The following SWAP70 variants were observed in gnomAD, a reference collection of about 807,000 sequenced individuals.
SWAP70 encodes the protein switching B cell complex subunit SWAP70, also known as switch-associated protein 70.
Under a neutral mutation model 80.2 loss-of-function variants are expected in SWAP70, and 34 were observed. The ratio of observed to expected loss-of-function variants is 0.42; its 90% CI spans 0.32 to 0.56. SWAP70 has a LOEUF of 0.56. SWAP70 is among the 20% of genes least tolerant of loss of function. SWAP70 has a pLI of 0.09. For missense variants in SWAP70, 578 were observed against 690.7 expected (o/e 0.84, Z 1.83); for synonymous variants, 239 against 238.5 (o/e 1.00, Z -0.02).
At chr11:9,741,216 AAAG>A (rs1490819098) in intron 9 of SWAP70, 3 of 152,212 alleles carry the variant, frequency 2.0e-5, no homozygotes, top group African/African-American at 7.2e-5. Context: ...ATAGGAAGAG[AAAG>A]AAGAAGCCAT....
At chr11:9,734,006 AT>A (rs1851333353) in intron 7 of SWAP70, among the ~76,000 whole-genome samples, 2 of 152,066 alleles carry the variant, frequency 1.3e-5, no homozygotes, top group Non-Finnish European at 2.9e-5. Flanking sequence ...AGTGTTTCAG[AT>A]TTGGGATTTT....
chr11:9,673,130 G>A (rs939868047), intron 1 of SWAP70, among the ~76,000 whole-genome samples: 2 of 152,106 alleles, frequency 1.3e-5, no homozygotes, highest in Non-Finnish European at 2.9e-5. Flanking sequence ...GTGTCAGATC[G>A]CACAGTTTGA....
chr11:9,711,409 C>G (rs4910492), intron 2 of SWAP70, among the ~76,000 whole-genome samples: 33,660 of 151,118 alleles, frequency 0.22, 4,810 homozygotes, highest in Non-Finnish European at 0.32. Flanking sequence ...GTGTGTGTGT[C>G]TGTCTGTCTG....
chr11:9,691,463 G>A (rs1259710181), intron 1 of SWAP70, among the ~76,000 whole-genome samples: 1 of 152,218 alleles, frequency 6.6e-6, no homozygotes, highest in African/African-American at 2.4e-5. Flanking sequence ...AGATGGTTAA[G>A]AAAATTATCA....
intron 2 of SWAP70, 28 bp downstream of exon 2, chr11:9,694,314 A>G (rs1850729244): frequency 1.9e-6 from 3 of 1,578,846 alleles, no homozygotes; most frequent in East Asian, 2.3e-5. Flanking sequence ...TTTTGGGTGT[A>G]GCATTGTTTG....
intron 2 of SWAP70, among the ~76,000 whole-genome samples, chr11:9,711,378 A>T (rs1590031851): frequency 6.6e-6 from 1 of 152,124 alleles, no homozygotes; most frequent in Non-Finnish European, 1.5e-5. Flanking sequence ...CAAGTAATGG[A>T]AATTTGCCTT....
chr11:9,719,314 G>A (rs959206042), intron 3 of SWAP70, among the ~76,000 whole-genome samples: 9 of 151,800 alleles, frequency 5.9e-5, no homozygotes, highest in African/African-American at 2.2e-4. Context: ...GGTCAAGGCT[G>A]CTGTGAGCCA....
intron 7 of SWAP70, 120 bp downstream of exon 7, chr11:9,732,830 T>C (rs1851317885): frequency 2.1e-6 from 2 of 942,420 alleles, no homozygotes; most frequent in South Asian, 3.8e-5. Context: ...GAGATACTTG[T>C]GGTGAACTGT....
intron 2 of SWAP70, among the ~76,000 whole-genome samples, chr11:9,699,173 G>C (rs896415508): frequency 2.8e-4 from 43 of 152,060 alleles, no homozygotes; most frequent in African/African-American, 9.9e-4. Flanking sequence ...AGGTAGGAAT[G>C]GTGAGTGATT....
At chr11:9,734,797 G>A (rs1471697499) in intron 7 of SWAP70, among the ~76,000 whole-genome samples, 6 of 151,852 alleles carry the variant, frequency 4.0e-5, no homozygotes, top group Non-Finnish European at 7.4e-5. Flanking sequence ...TAATTTTTTT[G>A]TATTTTTAAT....
At chr11:9,676,229 A>T (rs1850498966) in intron 1 of SWAP70, among the ~76,000 whole-genome samples, 1 of 152,224 alleles carries the variant, frequency 6.6e-6, no homozygotes, top group African/African-American at 2.4e-5. Context: ...CTGATGGTAG[A>T]CTGAAAACTG....
chr11:9,714,989 T>TTTTTTTTTTTTTG, intron 3 of SWAP70, among the ~76,000 whole-genome samples: 1 of 149,706 alleles, frequency 6.7e-6, no homozygotes, highest in Non-Finnish European at 1.5e-5. Flanking sequence ...TTTTTTTTTT[T>TTTTTTTTTTTTTG]TAAGAAACGG....
intron 2 of SWAP70, among the ~76,000 whole-genome samples, chr11:9,697,038 C>T (rs572333806): frequency 6.6e-6 from 1 of 151,930 alleles, no homozygotes; most frequent in South Asian, 2.1e-4. Context: ...ATAGTGAGAC[C>T]TTGTCTCAAA....
chr11:9,715,984 A>G (rs1851061113), intron 3 of SWAP70, among the ~76,000 whole-genome samples: 1 of 152,206 alleles, frequency 6.6e-6, no homozygotes, highest in African/African-American at 2.4e-5. Context: ...GAGTCTTGGA[A>G]AGGATACATT....
intron 1 of SWAP70, among the ~76,000 whole-genome samples, chr11:9,671,551 A>T (rs1850392016): frequency 1.6e-5 from 1 of 62,388 alleles, no homozygotes; most frequent in African/African-American, 5.2e-5. Context: ...AATATATAGA[A>T]ATATATATAA....
chr11:9,732,061 A>C (rs1851305202), intron 6 of SWAP70, among the ~76,000 whole-genome samples: 1 of 152,232 alleles, frequency 6.6e-6, no homozygotes, highest in Non-Finnish European at 1.5e-5. Context: ...CATGGATGAT[A>C]GGCCAACTAA....
chr11:9,724,574 C>G, intron 3 of SWAP70, 84 bp from the exon 4 acceptor site: 1 of 1,012,804 alleles, frequency 9.9e-7, no homozygotes, highest in Non-Finnish European at 1.4e-6. Context: ...CTAAGTTGAA[C>G]TTATCAGTGT....
intron 3 of SWAP70, among the ~76,000 whole-genome samples, chr11:9,722,136 A>G (rs890603925): frequency 1.3e-5 from 2 of 152,240 alleles, no homozygotes; most frequent in Non-Finnish European, 2.9e-5. Flanking sequence ...AGTACCTACT[A>G]TGTGATGGGC....
chr11:9,749,018 C>G, intron 10 of SWAP70, 69 bp from the exon 11 acceptor site: 1 of 913,040 alleles, frequency 1.1e-6, no homozygotes, highest in South Asian at 1.5e-5. Context: ...TAGTAAGGGC[C>G]CAATAGTTGT....
Sources: allele counts gnomAD v4.1 joint callset (sites outside exome capture counted in the v4.1 genomes callset), GRCh38; gene constraint gnomAD v4.1.1; transcripts MANE v1.5; gene names NCBI Gene and HGNC (gene_info 2026-07-23, HGNC 2026-07-21).